EFNA5: variants seen among roughly 807,000 people sequenced by gnomAD.
EFNA5 encodes ephrin A5.
A neutral mutation model predicts 22.9 loss-of-function variants in EFNA5; 5 were observed. The observed-to-expected ratio is 0.22, with a 90% confidence interval of 0.11 to 0.46. The LOEUF is 0.46. Ranked by LOEUF, EFNA5 falls within the 20% of genes least tolerant of loss-of-function variation. The probability of loss-of-function intolerance (pLI) is 0.99; values close to 1 mark genes in which losing one functional copy is unlikely to be tolerated. For missense variants in EFNA5, 237 were observed against 293.3 expected (o/e 0.81, Z 1.40); for synonymous variants, 113 against 112.2 (o/e 1.01, Z -0.04).
chr5:107,623,503 T>C (rs1465453004), intron 1 of EFNA5, among the ~76,000 whole-genome samples: 1 of 152,182 alleles, frequency 6.6e-6, no homozygotes, highest in Non-Finnish European at 1.5e-5. Context: ...AGAACATTTG[T>C]AAATTTAACA....
intron 1 of EFNA5, among the ~76,000 whole-genome samples, chr5:107,543,283 A>C (rs1748083643): frequency 6.6e-6 from 1 of 152,262 alleles, no homozygotes; most frequent in South Asian, 2.1e-4. Flanking sequence ...AGGTTAAAAA[A>C]CAACCACAAA....
rs144568196 is a variant in EFNA5 at position 107,607,535 on chromosome 5, C to T, written c.125+62954G>A. ...TTTCACAGATTTCAGATTTTACTAA[C>T]CTATATTACAAGTGACTTTTAAAAA... On this transcript the variant is annotated intron_variant, in intron 1 of 4. Coordinates refer to ENST00000333274, the MANE Select transcript of EFNA5 (RefSeq NM_001962.3). 7.2e-5 allele frequency among the ~76,000 whole-genome samples: 11 copies of T among 152,206 alleles called. 1 individual carries two copies. In the East Asian group the frequency reaches 2.1e-3, roughly 29 times the overall value.
At chr5:107,620,905 A>G (rs181693170) in intron 1 of EFNA5, among the ~76,000 whole-genome samples, 148 of 152,374 alleles carry the variant, frequency 9.7e-4, no homozygotes, top group Middle Eastern at 6.8e-3. Context: ...ACAGGAACCA[A>G]TAAGGTGGAG....
chr5:107,459,843 T>G (rs1455158582), intron 1 of EFNA5, among the ~76,000 whole-genome samples: 1 of 152,134 alleles, frequency 6.6e-6, no homozygotes, highest in Non-Finnish European at 1.5e-5. Context: ...AAGGGCAGCT[T>G]GACTGGAGTC....
intron 4 of EFNA5, among the ~76,000 whole-genome samples, chr5:107,383,274 G>C (rs1186941240): frequency 6.6e-6 from 1 of 152,180 alleles, no homozygotes; most frequent in Non-Finnish European, 1.5e-5. Context: ...AAAAGGTTAG[G>C]AAGCAAGATG....
At position 107,396,174 on chromosome 5, in the gene EFNA5, T is replaced by C. The variant is rs574734467; in HGVS notation, c.419-8403A>G. On this transcript the variant is annotated intron_variant, in intron 2 of 4. Transcript: ENST00000333274. ...GAGCCTTTCAAAACCCCTTTCATTA[T>C]TATTCTCCTTGGTGAGGGCTCTTTT... 1.9e-4 allele frequency among the ~76,000 whole-genome samples: 29 copies of C among 152,350 alleles called. No individual in the cohort carries two copies. The South Asian group carries it at 5.8e-3, about 30-fold the overall frequency.
chr5:107,410,344 A>T (rs772615992), intron 2 of EFNA5, among the ~76,000 whole-genome samples: 1 of 152,204 alleles, frequency 6.6e-6, no homozygotes, highest in African/African-American at 2.4e-5. Flanking sequence ...TATGTTGCTC[A>T]TCTGAAAAGA....
chr5:107,429,247 A>T (rs993572051), intron 1 of EFNA5, among the ~76,000 whole-genome samples: 1 of 152,204 alleles, frequency 6.6e-6, no homozygotes, highest in African/African-American at 2.4e-5. Flanking sequence ...GTTTGAGACC[A>T]ATCTGGCCAA....
chr5:107,637,473 G>A (rs1275319164), intron 1 of EFNA5, among the ~76,000 whole-genome samples: 9 of 151,452 alleles, frequency 5.9e-5, no homozygotes, highest in African/African-American at 2.2e-4. Context: ...AAAGGTTCAA[G>A]ACCAAATATT....
intron 2 of EFNA5, chr5:107,426,962 T>A: frequency 2.5e-6 from 1 of 399,884 alleles, no homozygotes; most frequent in East Asian, 4.3e-5. Context: ...AATTTTCATT[T>A]AAAAAAAATA....
chr5:107,489,833 A>T (rs1432326489), intron 1 of EFNA5, among the ~76,000 whole-genome samples: 1 of 152,204 alleles, frequency 6.6e-6, no homozygotes, highest in Non-Finnish European at 1.5e-5. Context: ...TCTTGCTTGT[A>T]GCTCTCAAGA....
chr5:107,572,270 G>C (rs558503998), intron 1 of EFNA5, among the ~76,000 whole-genome samples: 2 of 152,184 alleles, frequency 1.3e-5, no homozygotes, highest in South Asian at 2.1e-4. Context: ...TTTAGACCGG[G>C]GGAAGGAGAA....
intron 2 of EFNA5, among the ~76,000 whole-genome samples, chr5:107,394,935 G>A (rs137939585): frequency 1.3e-5 from 2 of 148,786 alleles, no homozygotes; most frequent in East Asian, 4.0e-4. Context: ...GGGATGATTT[G>A]TCTCATATAG....
chr5:107,605,521 G>A (rs1194424151), intron 1 of EFNA5, among the ~76,000 whole-genome samples: 3 of 152,104 alleles, frequency 2.0e-5, no homozygotes, highest in African/African-American at 2.4e-5. Context: ...TGACCTACCA[G>A]TCTGCAAATG....
intron 1 of EFNA5, among the ~76,000 whole-genome samples, chr5:107,657,372 A>T (rs1218047120): frequency 6.6e-6 from 1 of 152,122 alleles, no homozygotes; most frequent in African/African-American, 2.4e-5. Flanking sequence ...GCATTTCAGG[A>T]TCTATGAGAA....
intron 1 of EFNA5, among the ~76,000 whole-genome samples, chr5:107,597,472 G>A (rs1049381531): frequency 1.3e-5 from 2 of 152,150 alleles, no homozygotes; most frequent in African/African-American, 2.4e-5. Context: ...TCAGAGCACT[G>A]AATTAGTAGC....
rs117257373 is a variant in EFNA5, at chr5:107,641,057, A to G, written c.125+29432T>C. On this transcript the variant is annotated intron_variant, in intron 1 of 4. Transcript: ENST00000333274. ...ACAGACAGATAGATAGATAGAATGT[A>G]TGGATATGATTAAAAATAGGCTGGG... 3.3e-4 allele frequency among the ~76,000 whole-genome samples: 50 copies of G among 151,812 alleles called. No individual in the cohort carries two copies. In the East Asian group the frequency reaches 8.9e-3, roughly 27 times the overall value.
At chr5:107,436,782 G>A (rs1207676563) in intron 1 of EFNA5, among the ~76,000 whole-genome samples, 3 of 152,116 alleles carry the variant, frequency 2.0e-5, no homozygotes, top group Non-Finnish European at 4.4e-5. Flanking sequence ...ACTCTGATCA[G>A]GGGATGTGGG....
At chr5:107,556,846 T>A (rs1411345891) in intron 1 of EFNA5, among the ~76,000 whole-genome samples, 1 of 152,016 alleles carries the variant, frequency 6.6e-6, no homozygotes, top group Non-Finnish European at 1.5e-5. Flanking sequence ...GGAAGTCACC[T>A]GAACAAATGC....
Sources: gnomAD v4.1 joint callset for allele counts (sites outside exome capture counted in the v4.1 genomes callset) on GRCh38, gnomAD v4.1.1 for gene constraint, MANE v1.5 for transcripts, NCBI Gene and HGNC (gene_info 2026-07-23, HGNC 2026-07-21) for gene names.